Variants in POLR2F observed in about 807,000 individuals in gnomAD.
POLR2F encodes RNA polymerase II, I and III subunit F.
Under a neutral mutation model 22.7 loss-of-function variants are expected in POLR2F, and 12 were observed. The ratio of observed to expected loss-of-function variants is 0.53; its 90% confidence interval spans 0.34 to 0.86. The LOEUF (loss-of-function observed/expected upper bound fraction) is 0.86. POLR2F is among the 40% of genes least tolerant of loss of function. The pLI, the probability that POLR2F is intolerant of heterozygous loss-of-function variation, is 0.02. For missense variants in POLR2F, 126 were observed against 171.5 expected (o/e 0.73, Z 1.48); for synonymous variants, 57 against 66.0 (o/e 0.86, Z 0.66).
At chr22:37,966,234 A>G (rs898149895) in intron 3 of POLR2F, among the ~76,000 whole-genome samples, 3 of 152,190 alleles carry the variant, frequency 2.0e-5, no homozygotes, top group Non-Finnish European at 2.9e-5. Context: ...AAAGGGAAAC[A>G]ACATGGCGCA....
intron 3 of POLR2F, among the ~76,000 whole-genome samples, chr22:37,963,282 C>T (rs182917432): frequency 2.1e-4 from 32 of 152,132 alleles, no homozygotes; most frequent in African/African-American, 6.7e-4. Context: ...TGAGCCACCA[C>T]GCCCAGCCTT....
At chr22:38,039,447 C>T (rs1227224152) in intron 5 of POLR2F, among the ~76,000 whole-genome samples, 1 of 152,186 alleles carries the variant, frequency 6.6e-6, no homozygotes, top group Non-Finnish European at 1.5e-5. Flanking sequence ...CACAGAGAGG[C>T]TCCACAGCCA....
intron 5 of POLR2F, among the ~76,000 whole-genome samples, chr22:38,036,700 G>A (rs1232508123): frequency 2.0e-5 from 3 of 151,788 alleles, no homozygotes; most frequent in African/African-American, 4.8e-5. Flanking sequence ...GTCCTGTTGC[G>A]ATGGAGTTCA....
chr22:37,975,163 A>G (rs556535372), intron 4 of POLR2F, among the ~76,000 whole-genome samples: 1 of 152,240 alleles, frequency 6.6e-6, no homozygotes, highest in Non-Finnish European at 1.5e-5. Flanking sequence ...CTTAGGGAGC[A>G]TTACAAAATG....
Position 37,978,218 on chromosome 22 carries a change from G to A in POLR2F, c.293+11048G>A. 2 of 1,392,720 alleles carry A rather than the reference G, an allele frequency of 1.4e-6. No individual in the cohort carries two copies. The allele number at this position is 1,392,720 out of a possible 1,614,324, so 86.3% of individuals were successfully genotyped here. Reference sequence around the variant, plus strand: ...ACTCCAGGTTGGCCTCCCTCTGAGTGTCCATCTTGGAAGATGTGAGGCCCT... The same window carrying A: ...ACTCCAGGTTGGCCTCCCTCTGAGTATCCATCTTGGAAGATGTGAGGCCCT... On this transcript the variant is annotated intron_variant, in intron 4 of 4. Transcript: ENST00000405557. This position sits in a 1 kb window ranked among gnomAD's most constrained non-coding sequence, Gnocchi z 5.0.
chr22:38,002,606 A>G lies in POLR2F; in HGVS notation c.120+16294A>G, dbSNP rs747932970. On this transcript the variant is annotated intron_variant, in intron 1 of 2. Transcript: ENST00000333418. ...TGGGGCCATGGGGCTGGGGTTGCTCAGCAAAGTCAGCTGTGTCTGGGGGCA... is the reference window on the plus strand; with the variant it reads ...TGGGGCCATGGGGCTGGGGTTGCTCGGCAAAGTCAGCTGTGTCTGGGGGCA... Among the ~76,000 whole-genome samples the G allele has an allele frequency of 5.3e-5, 8 of 151,944 alleles. No homozygotes were observed. The South Asian group carries it at 1.0e-3, about 20-fold the overall frequency.
At chr22:37,981,308 C>A (rs191289936), upstream of POLR2F, among the ~76,000 whole-genome samples, 4 of 152,226 alleles carry the variant, frequency 2.6e-5, no homozygotes, top group Non-Finnish European at 5.9e-5. Context: ...TCTCTCAGGA[C>A]CCCCCTCCAG....
intron 1 of POLR2F, among the ~76,000 whole-genome samples, chr22:38,001,581 G>A (rs1332767208): frequency 3.3e-5 from 5 of 152,162 alleles, no homozygotes; most frequent in Non-Finnish European, 7.3e-5. Flanking sequence ...TGCCCAGGCT[G>A]GAGTGCTATG....
At chr22:38,000,915 A>G (rs1423269479) in intron 1 of POLR2F, among the ~76,000 whole-genome samples, 4 of 152,186 alleles carry the variant, frequency 2.6e-5, no homozygotes, top group Non-Finnish European at 4.4e-5. Context: ...CGCTTGGCAC[A>G]TAGTAGGAAC....
At chr22:37,992,641 C>T (rs1186608678) in intron 1 of POLR2F, among the ~76,000 whole-genome samples, 1 of 152,156 alleles carries the variant, frequency 6.6e-6, no homozygotes, top group Non-Finnish European at 1.5e-5. Context: ...TCAGGTGATT[C>T]GCCCGCCTCG....
intron 3 of POLR2F, among the ~76,000 whole-genome samples, chr22:37,961,304 C>CTT (rs1931632897): frequency 1.3e-5 from 2 of 152,152 alleles, no homozygotes; most frequent in South Asian, 4.1e-4. Context: ...GATTCTCCTG[C>CTT]CTCAGCTCCC....
intron 5 of POLR2F, among the ~76,000 whole-genome samples, chr22:38,035,157 C>T (rs2085103220): frequency 6.6e-6 from 1 of 152,222 alleles, no homozygotes. Context: ...GTGTGTCTCT[C>T]TCTCTCGGTC....
At chr22:37,960,045 C>G (rs1931567648) in intron 3 of POLR2F, among the ~76,000 whole-genome samples, 1 of 152,048 alleles carries the variant, frequency 6.6e-6, no homozygotes, top group Non-Finnish European at 1.5e-5. Context: ...TTCAAGTGAT[C>G]CACCTGCCTC....
At chr22:37,957,091 C>T (rs978073876) in intron 2 of POLR2F, among the ~76,000 whole-genome samples, 1 of 152,302 alleles carries the variant, frequency 6.6e-6, no homozygotes, top group East Asian at 1.9e-4. Flanking sequence ...ACAAGTTAAA[C>T]GGTGCCTTCC....
At chr22:37,996,921 T>C (rs1251334818) in intron 1 of POLR2F, among the ~76,000 whole-genome samples, 1 of 152,152 alleles carries the variant, frequency 6.6e-6, no homozygotes, top group Non-Finnish European at 1.5e-5. Context: ...ACTACTGCCA[T>C]AGATGGTCTA....
chr22:37,979,568 G>C (rs1248787741), intron 4 of POLR2F, among the ~76,000 whole-genome samples: 1 of 152,010 alleles, frequency 6.6e-6, no homozygotes, highest in Admixed American at 6.6e-5. Flanking sequence ...CCTCCTGTGG[G>C]GGATCCTATA....
intron 1 of POLR2F, among the ~76,000 whole-genome samples, chr22:38,011,068 T>G (rs2084867811): frequency 6.6e-6 from 1 of 152,116 alleles, no homozygotes; most frequent in African/African-American, 2.4e-5. Context: ...CTTCTAAAAG[T>G]TTTATAGTTT....
intron 1 of POLR2F, among the ~76,000 whole-genome samples, chr22:37,995,463 A>C (rs1485593346): frequency 6.6e-6 from 1 of 151,662 alleles, no homozygotes; most frequent in East Asian, 1.9e-4. Context: ...GCCTCTCTCG[A>C]CCCTCCAGTA....
chr22:38,006,095 C>T (rs1022347945), intron 1 of POLR2F, among the ~76,000 whole-genome samples: 7 of 152,064 alleles, frequency 4.6e-5, no homozygotes, highest in African/African-American at 1.7e-4. Context: ...GTGGCCCATG[C>T]CTGTTGTCCT....
Sources: allele counts gnomAD v4.1 joint callset (sites outside exome capture counted in the v4.1 genomes callset), GRCh38; gene constraint gnomAD v4.1.1; non-coding constraint Gnocchi (gnomAD v3.1); transcripts MANE v1.5; gene names NCBI Gene and HGNC (gene_info 2026-07-23, HGNC 2026-07-21).